The following PACSIN1 variants were observed in gnomAD, a reference collection of about 807,000 sequenced individuals.
The protein encoded by PACSIN1 is protein kinase C and casein kinase substrate in neurons protein 1.
A neutral mutation model predicts 59.5 loss-of-function variants in PACSIN1; 15 were observed. The observed-to-expected ratio is 0.25, with a 90% CI of 0.17 to 0.39. The LOEUF (loss-of-function observed/expected upper bound fraction) is 0.39, where lower values mean the gene tolerates loss of function less well. PACSIN1 is among the 10% of genes least tolerant of loss of function. The pLI is 1.00. For synonymous variants in PACSIN1, 210 were observed against 220.6 expected (o/e 0.95, Z 0.42); for missense variants, 420 against 580.2 (o/e 0.72, Z 2.84).
chr6:34,497,008 G>T (rs2127255931), intron 1 of PACSIN1, among the ~76,000 whole-genome samples: 1 of 144,194 alleles, frequency 6.9e-6, no homozygotes, highest in African/African-American at 2.6e-5. Flanking sequence ...GAGTGCAATG[G>T]TGCAATCTCG....
intron 1 of PACSIN1, among the ~76,000 whole-genome samples, chr6:34,472,725 C>T (rs892726247): frequency 6.6e-6 from 1 of 152,072 alleles, no homozygotes; most frequent in African/African-American, 2.4e-5. Flanking sequence ...GCCTGTGGTG[C>T]CTGAAACCTG....
At chr6:34,522,835 G>A (rs1308093170) in intron 1 of PACSIN1, among the ~76,000 whole-genome samples, 1 of 152,234 alleles carries the variant, frequency 6.6e-6, no homozygotes, top group African/African-American at 2.4e-5. Flanking sequence ...GAGATCTGAT[G>A]TCCAGGGGCA....
Position 34,528,636 on chromosome 6 carries a change from C to T in PACSIN1, c.221-6C>T, listed in dbSNP as rs764779607. 31 of 1,611,448 alleles carry T rather than the reference C, an allele frequency of 1.9e-5. No individual in the cohort carries two copies. The highest frequency in any genetic ancestry group is 2.5e-5 in the Non-Finnish European group (30 of 1,178,086). ...AGGTTCTTGTGACCTATTGCCATTCCCTCAGGCCCACAGTATGGCAGCCTG... is the reference window on the plus strand; with the variant it reads ...AGGTTCTTGTGACCTATTGCCATTCTCTCAGGCCCACAGTATGGCAGCCTG... On this transcript the variant is annotated splice_region_variant and splice_polypyrimidine_tract_variant and intron_variant, in intron 3 of 9. Transcript: ENST00000244458.
At chr6:34,507,525 A>T (rs1767133111) in intron 1 of PACSIN1, among the ~76,000 whole-genome samples, 1 of 151,886 alleles carries the variant, frequency 6.6e-6, no homozygotes, top group Non-Finnish European at 1.5e-5. Flanking sequence ...GCTCGGCATG[A>T]TGTCTTTTCA....
At chr6:34,493,148 C>T (rs1435602111) in intron 1 of PACSIN1, among the ~76,000 whole-genome samples, 1 of 152,176 alleles carries the variant, frequency 6.6e-6, no homozygotes, top group Non-Finnish European at 1.5e-5. Context: ...TGAGTTGCCC[C>T]TGGGAGGGGG....
intron 1 of PACSIN1, among the ~76,000 whole-genome samples, chr6:34,476,794 T>A (rs775780682): frequency 6.6e-6 from 1 of 151,842 alleles, no homozygotes; most frequent in South Asian, 2.1e-4. Context: ...CGGGGGCGGG[T>A]GGCAAATCAC....
At chr6:34,487,732 T>C (rs78380702) in intron 1 of PACSIN1, among the ~76,000 whole-genome samples, 14,218 of 152,150 alleles carry the variant, frequency 0.093, 697 homozygotes, top group African/African-American at 0.1. Context: ...AGGCTGTCTC[T>C]GGGGAGGAGG....
chr6:34,500,212 C>T (rs1311471119), intron 1 of PACSIN1, among the ~76,000 whole-genome samples: 6 of 152,192 alleles, frequency 3.9e-5, no homozygotes, highest in Non-Finnish European at 8.8e-5. Flanking sequence ...CCACTTCACA[C>T]CCATTATGAT....
intron 1 of PACSIN1, among the ~76,000 whole-genome samples, chr6:34,478,032 C>T (rs533552527): frequency 6.6e-6 from 1 of 150,588 alleles, no homozygotes; most frequent in South Asian, 2.1e-4. Context: ...GGATTACAGG[C>T]ATGAGCCACC....
chr6:34,492,566 G>C (rs1475461082), intron 1 of PACSIN1, among the ~76,000 whole-genome samples: 1 of 152,062 alleles, frequency 6.6e-6, no homozygotes, highest in Non-Finnish European at 1.5e-5. Flanking sequence ...TATTTTTGTA[G>C]ACATGGGGTT....
intron 1 of PACSIN1, among the ~76,000 whole-genome samples, chr6:34,499,242 G>A (rs998317525): frequency 2.6e-5 from 4 of 151,568 alleles, no homozygotes; most frequent in East Asian, 1.9e-4. Flanking sequence ...TAGGATTTGC[G>A]CTCCCATCAG....
At position 34,514,719 on chromosome 6, in the gene PACSIN1, G is replaced by A. The variant is rs1041282455; in HGVS notation, c.-63-11524G>A. Among the ~76,000 whole-genome samples, 4 of 152,356 alleles carry A rather than the reference G, an allele frequency of 2.6e-5. No homozygotes were observed. The highest frequency in any genetic ancestry group is 3.4e-3 in the Middle Eastern group (1 of 294). ...TGATGCGGCGCCGTGCGGGAGGCGG[G>A]CATCCCCTGCTGTACATGGGAGGGA... On this transcript the variant is annotated intron_variant, in intron 1 of 9. Transcript: ENST00000244458. The surrounding 1 kb of genome is among the most constrained non-coding windows in gnomAD (Gnocchi z 4.4).
At chr6:34,500,608 T>C (rs1227492490) in intron 1 of PACSIN1, among the ~76,000 whole-genome samples, 1 of 152,196 alleles carries the variant, frequency 6.6e-6, no homozygotes, top group East Asian at 1.9e-4. Flanking sequence ...ATTTCAGGAA[T>C]GGTAAATGAG....
intron 1 of PACSIN1, among the ~76,000 whole-genome samples, chr6:34,508,418 A>T (rs1767149105): frequency 6.6e-6 from 1 of 151,714 alleles, no homozygotes; most frequent in South Asian, 2.1e-4. Context: ...GTTATTTTTT[A>T]AATTTTCTTT....
intron 1 of PACSIN1, among the ~76,000 whole-genome samples, chr6:34,494,033 A>G (rs1766914233): frequency 6.6e-6 from 1 of 152,248 alleles, no homozygotes; most frequent in Non-Finnish European, 1.5e-5. Flanking sequence ...TCTATTTGAC[A>G]GAAGACAAAA....
chr6:34,481,597 G>A (rs1766720239), intron 1 of PACSIN1, among the ~76,000 whole-genome samples: 1 of 151,922 alleles, frequency 6.6e-6, no homozygotes, highest in Non-Finnish European at 1.5e-5. Flanking sequence ...GTGAACCCGG[G>A]AGGTGGAGCT....
chr6:34,466,348 T>G (rs1432675355), intron 1 of PACSIN1, 78 bp downstream of exon 1: 1 of 152,230 alleles, frequency 6.6e-6, no homozygotes, highest in Non-Finnish European at 1.5e-5. Context: ...GTGTTGGAAG[T>G]GGGCGCCGGG....
intron 1 of PACSIN1, among the ~76,000 whole-genome samples, chr6:34,472,438 C>T (rs1766585221): frequency 6.6e-6 from 1 of 152,172 alleles, no homozygotes; most frequent in African/African-American, 2.4e-5. Context: ...TCGCAGGGAT[C>T]TGGAGGGAGA....
chr6:34,469,889 T>G (rs1028555091), intron 1 of PACSIN1, among the ~76,000 whole-genome samples: 3 of 152,184 alleles, frequency 2.0e-5, no homozygotes, highest in Non-Finnish European at 4.4e-5. Flanking sequence ...CCAGGGAAGT[T>G]GCTGGTGCCG....
Sources: allele counts gnomAD v4.1 joint callset (sites outside exome capture counted in the v4.1 genomes callset), GRCh38; gene constraint gnomAD v4.1.1; non-coding constraint Gnocchi (gnomAD v3.1); transcripts MANE v1.5; gene names NCBI Gene and HGNC (gene_info 2026-07-23, HGNC 2026-07-21).